Variants in TMEM163 observed in about 807,000 individuals in gnomAD.
The protein encoded by TMEM163 is transmembrane protein 163.
A neutral mutation model predicts 29.3 loss-of-function variants in TMEM163; 17 were observed. The ratio of observed to expected loss-of-function variants is 0.58; its 90% CI spans 0.40 to 0.87. TMEM163 has a LOEUF of 0.87. Ranked by LOEUF, TMEM163 falls within the 40% of genes least tolerant of loss-of-function variation. The pLI, the probability that TMEM163 is intolerant of heterozygous loss-of-function variation, is 0.00. For missense variants in TMEM163, 303 were observed against 381.5 expected, an observed-to-expected ratio of 0.79 and a Z score of 1.71; for synonymous variants, 157 against 160.6, an observed-to-expected ratio of 0.98 and a Z score of 0.17.
At chr2:134,551,544 C>T (rs1365899949) in intron 3 of TMEM163, among the ~76,000 whole-genome samples, 1 of 152,160 alleles carries the variant, frequency 6.6e-6, no homozygotes, top group African/African-American at 2.4e-5. Context: ...CTCCAAGGGG[C>T]CTGGGGAAAC....
At chr2:134,478,268 C>T (rs1686965056) in intron 5 of TMEM163, among the ~76,000 whole-genome samples, 1 of 152,068 alleles carries the variant, frequency 6.6e-6, no homozygotes, top group African/African-American at 2.4e-5. Flanking sequence ...TTTAAGATAC[C>T]TGAAAATGTG....
intron 2 of TMEM163, among the ~76,000 whole-genome samples, chr2:134,579,081 G>A (rs1681631379): frequency 6.6e-6 from 1 of 152,160 alleles, no homozygotes; most frequent in African/African-American, 2.4e-5. Context: ...TCCTGGGTGG[G>A]AGGATGCGTT....
At chr2:134,603,831 G>T (rs1199420831) in intron 2 of TMEM163, among the ~76,000 whole-genome samples, 3 of 150,484 alleles carry the variant, frequency 2.0e-5, no homozygotes, top group African/African-American at 7.3e-5. Context: ...GGTGGAAGGT[G>T]GGGGTGGGGG....
intron 5 of TMEM163, among the ~76,000 whole-genome samples, chr2:134,479,946 C>T (rs1014919769): frequency 1.3e-5 from 2 of 152,228 alleles, no homozygotes; most frequent in Non-Finnish European, 2.9e-5. Flanking sequence ...TGAGGATTCT[C>T]GTGCTGACCT....
intron 4 of TMEM163, among the ~76,000 whole-genome samples, chr2:134,547,190 C>A (rs1574226634): frequency 6.6e-6 from 1 of 152,186 alleles, no homozygotes; most frequent in East Asian, 1.9e-4. Context: ...TTATGTTATG[C>A]GTTTTAACAA....
intron 1 of TMEM163, 46 bp from the exon 2 acceptor site, chr2:134,713,365 G>A: frequency 6.2e-7 from 1 of 1,609,438 alleles, no homozygotes; most frequent in East Asian, 2.2e-5. Flanking sequence ...TCCTTACTAA[G>A]AAACCCACAG....
intron 4 of TMEM163, among the ~76,000 whole-genome samples, chr2:134,507,463 T>C (rs1679849910): frequency 6.6e-6 from 1 of 152,250 alleles, no homozygotes. Flanking sequence ...AAGCAAATTC[T>C]GAGTGAGTCC....
chr2:134,567,689 C>T (rs1000497360), intron 2 of TMEM163, among the ~76,000 whole-genome samples: 7 of 152,148 alleles, frequency 4.6e-5, no homozygotes, highest in African/African-American at 1.7e-4. Flanking sequence ...AAAACTCCAT[C>T]TCAAATAATA....
rs999889534 is a variant in TMEM163 at position 134,701,213 on chromosome 2, TA to T, written c.322+11986del. 1.5e-4 allele frequency among the ~76,000 whole-genome samples: 23 copies of T among 150,078 alleles called. No individual in the cohort carries two copies. In the East Asian group the frequency reaches 3.9e-3, roughly 25 times the overall value. On this transcript the variant is annotated intron_variant, in intron 2 of 7. Coordinates refer to ENST00000281924, the MANE Select transcript of TMEM163 (RefSeq NM_030923.5). ...AATTAGAAAGAAATCAGAGTGAATT[TA>T]AAAAAAAAGAAAATGGAAAAGGCAA... is the stretch of plus-strand genomic sequence containing the variant.
intron 2 of TMEM163, among the ~76,000 whole-genome samples, chr2:134,559,541 C>T (rs1203388715): frequency 6.6e-6 from 1 of 152,080 alleles, no homozygotes; most frequent in Non-Finnish European, 1.5e-5. Flanking sequence ...ACTGGCCTGC[C>T]ACCCTCCGGG....
At chr2:134,621,764 G>A (rs929152727) in intron 2 of TMEM163, among the ~76,000 whole-genome samples, 4 of 152,018 alleles carry the variant, frequency 2.6e-5, no homozygotes, top group African/African-American at 7.2e-5. Context: ...GGTGGCAGGC[G>A]CCTGTAGTCC....
chr2:134,675,859 A>G (rs1684103334), intron 2 of TMEM163, among the ~76,000 whole-genome samples: 1 of 152,218 alleles, frequency 6.6e-6, no homozygotes, highest in Non-Finnish European at 1.5e-5. Flanking sequence ...TCCACAGAGC[A>G]TAACTCCCCC....
chr2:134,655,717 T>A lies in TMEM163; in HGVS notation c.322+57483A>T, dbSNP rs1683587227. Among the ~76,000 whole-genome samples the A allele has an allele frequency of 7.1e-5, 10 of 141,668 alleles. 2 individuals carry two copies. Among genetic ancestry groups the A allele is most frequent in the Admixed American group, 5.5e-4 (8 of 14,434 alleles). 92.9% of individuals were successfully genotyped at this position (141,668 alleles called of 152,430 possible). ...GTCTTTGATGATGGTGATGTACAGA[T>A]GGGTTTTCGGTGCGGATGTCCTTTC... On this transcript the variant is annotated intron_variant, in intron 2 of 7. Transcript: ENST00000281924.
At chr2:134,668,956 C>T (rs1683931625) in intron 2 of TMEM163, among the ~76,000 whole-genome samples, 1 of 152,112 alleles carries the variant, frequency 6.6e-6, no homozygotes, top group Admixed American at 6.5e-5. Context: ...GACTCACTGG[C>T]TCACAGCCTC....
intron 5 of TMEM163, among the ~76,000 whole-genome samples, chr2:134,502,184 C>T (rs1679709784): frequency 6.6e-6 from 1 of 152,170 alleles, no homozygotes; most frequent in South Asian, 2.1e-4. Context: ...AAATCACATC[C>T]TAAGAGGAGA....
At chr2:134,552,851 G>C (rs1252552160) in intron 2 of TMEM163, among the ~76,000 whole-genome samples, 2 of 151,544 alleles carry the variant, frequency 1.3e-5, no homozygotes, top group South Asian at 2.1e-4. Flanking sequence ...GCAGAGACAG[G>C]GTTTTTCCAT....
chr2:134,636,037 T>A (rs1036139241), intron 2 of TMEM163, among the ~76,000 whole-genome samples: 1 of 152,158 alleles, frequency 6.6e-6, no homozygotes, highest in Non-Finnish European at 1.5e-5. Flanking sequence ...TCTGCTACCC[T>A]CATCCTGGCC....
intron 5 of TMEM163, among the ~76,000 whole-genome samples, chr2:134,501,816 C>G (rs1447780628): frequency 2.0e-5 from 3 of 152,194 alleles, no homozygotes; most frequent in Non-Finnish European, 2.9e-5. Flanking sequence ...CAAATAGGTA[C>G]ATTCCTATCC....
intron 2 of TMEM163, among the ~76,000 whole-genome samples, chr2:134,592,724 G>A (rs947344732): frequency 6.6e-6 from 1 of 151,794 alleles, no homozygotes; most frequent in Admixed American, 6.6e-5. Context: ...TTTGGTTTTG[G>A]TTTATAACAG....
Sources: gnomAD v4.1 joint callset for allele counts (sites outside exome capture counted in the v4.1 genomes callset) on GRCh38, gnomAD v4.1.1 for gene constraint, MANE v1.5 for transcripts, NCBI Gene and HGNC (gene_info 2026-07-23, HGNC 2026-07-21) for gene names.